Variants in CADPS observed in about 807,000 individuals in gnomAD.
CADPS encodes the protein calcium dependent secretion activator.
CADPS carries 57 observed loss-of-function variants against 167.3 expected under a neutral mutation model. That is an observed-to-expected ratio of 0.34 (90% CI 0.28 to 0.42). The LOEUF (loss-of-function observed/expected upper bound fraction) is 0.42, where lower values mean the gene tolerates loss of function less well. CADPS is among the 20% of genes least tolerant of loss of function. The probability of loss-of-function intolerance (pLI) is 1.00; values close to 1 mark genes in which losing one functional copy is unlikely to be tolerated. For synonymous variants in CADPS, 676 were observed against 635.3 expected, an observed-to-expected ratio of 1.06 and a Z score of -0.96; for missense variants, 1,414 against 1,738.1, an observed-to-expected ratio of 0.81 and a Z score of 3.32.
In CADPS at chr3:62,650,970, G is replaced by T. The variant is rs760468345; in HGVS notation, c.1080C>A (p.Ser360=). ...TCTGGAGCTTGAACTCCCCGCCTTT[G>T]GATACCGGCATGCTCTCCAAGTTGG... ...LMANLESMPV[S]KGGEFKLQKL... Residue 360 remains serine (S), a synonymous_variant, in exon 5 of 30, where the codon TCC becomes TCA. Transcript: ENST00000383710. 8.1e-6 allele frequency: 13 copies of T among 1,614,038 alleles called. No individual in the cohort carries two copies. The highest frequency in any genetic ancestry group is 1.1e-5 in the Non-Finnish European group (13 of 1,179,948).
rs1473990742 is a variant in CADPS, at chr3:62,487,627, CTT to C, written c.3026+3710_3026+3711del. On this transcript the variant is annotated intron_variant, in intron 21 of 29. Transcript: ENST00000383710. Reference sequence around the variant, plus strand: ...TAACGGAAACAGAGATGTAGCTTCCCTTTTCTCTTTTCGAAGAGATGGAAGAC... The same window carrying C: ...TAACGGAAACAGAGATGTAGCTTCCCTTCTCTTTTCGAAGAGATGGAAGAC... Among the ~76,000 whole-genome samples the C allele has an allele frequency of 3.3e-5, 5 of 152,348 alleles. No homozygotes were observed. In the East Asian group the frequency reaches 9.7e-4, roughly 29 times the overall value.
At chr3:62,626,548 G>A (rs1474186599) in intron 6 of CADPS, 2 of 702,824 alleles carry the variant, frequency 2.8e-6, no homozygotes, top group South Asian at 3.0e-5. Flanking sequence ...TGAGGCAGTT[G>A]TTCTCTTCTG....
chr3:62,770,491 T>C (rs947795037), intron 1 of CADPS, among the ~76,000 whole-genome samples: 2 of 152,188 alleles, frequency 1.3e-5, no homozygotes, highest in East Asian at 1.9e-4. Context: ...AGTGGTGCCA[T>C]GTCAGCCCAC....
At chr3:62,623,384 A>C (rs200370753) in intron 6 of CADPS, among the ~76,000 whole-genome samples, 1 of 152,146 alleles carries the variant, frequency 6.6e-6, no homozygotes, top group East Asian at 1.9e-4. Flanking sequence ...GCTCCACTGG[A>C]TTATTCTTTA....
At chr3:62,483,494 C>T (rs1041287112) in intron 21 of CADPS, among the ~76,000 whole-genome samples, 1 of 152,122 alleles carries the variant, frequency 6.6e-6, no homozygotes, top group Non-Finnish European at 1.5e-5. Flanking sequence ...ATAGCCCCAG[C>T]TCATAGACTG....
chr3:62,478,226 G>T lies in CADPS; in HGVS notation c.3329+35C>A, dbSNP rs758789777. On this transcript the variant is annotated intron_variant, in intron 23 of 29. Coordinates refer to ENST00000383710, the MANE Select transcript of CADPS (RefSeq NM_003716.4). The surrounding 1 kb of genome is among the most constrained non-coding windows in gnomAD (Gnocchi z 5.7). ...TCCCTGAGTCTGTGTATGGTGGGGAGGGTGTGCAGAACCTGTCCAGCCACC... is the reference window on the plus strand; with the variant it reads ...TCCCTGAGTCTGTGTATGGTGGGGATGGTGTGCAGAACCTGTCCAGCCACC... The T allele has an allele frequency of 8.7e-6, 14 of 1,609,854 alleles. No individual in the cohort carries two copies. The highest frequency in any genetic ancestry group is 6.6e-5 in the South Asian group (6 of 90,872).
At chr3:62,816,058 G>A (rs993852165) in intron 1 of CADPS, among the ~76,000 whole-genome samples, 1 of 152,080 alleles carries the variant, frequency 6.6e-6, no homozygotes, top group African/African-American at 2.4e-5. Context: ...GGCTGTGGGG[G>A]ATGCATATAT....
At chr3:62,480,779 A>G (rs746645327) in intron 22 of CADPS, among the ~76,000 whole-genome samples, 1 of 152,246 alleles carries the variant, frequency 6.6e-6, no homozygotes, top group Non-Finnish European at 1.5e-5. Flanking sequence ...GAAAAGGATC[A>G]AAGAAGGGTA....
At chr3:62,664,158 C>T (rs1040646159) in intron 3 of CADPS, among the ~76,000 whole-genome samples, 1 of 152,122 alleles carries the variant, frequency 6.6e-6, no homozygotes, top group Non-Finnish European at 1.5e-5. Flanking sequence ...AGGCGCATGC[C>T]ATTGTGCCCA....
intron 3 of CADPS, among the ~76,000 whole-genome samples, chr3:62,746,166 G>A (rs1036051416): frequency 6.6e-6 from 1 of 152,134 alleles, no homozygotes; most frequent in African/African-American, 2.4e-5. Flanking sequence ...CCTTGAGTGT[G>A]GGAGGAACCT....
At chr3:62,660,105 T>C (rs988269067) in intron 4 of CADPS, among the ~76,000 whole-genome samples, 2 of 152,156 alleles carry the variant, frequency 1.3e-5, no homozygotes, top group Non-Finnish European at 2.9e-5. Context: ...GAGATGAGCA[T>C]CTTGGCTCAT....
Position 62,602,211 on chromosome 3 carries a change from C to T in CADPS, c.1326-9463G>A, listed in dbSNP as rs1007757299. 7.4e-6 allele frequency among the ~76,000 whole-genome samples: 1 copy of T among 135,392 alleles called. No individual in the cohort carries two copies. Among genetic ancestry groups the T allele is most frequent in the African/African-American group, 2.9e-5 (1 of 35,022 alleles). The allele number at this position is 135,392 out of a possible 152,430, so 88.8% of individuals were successfully genotyped here. On this transcript the variant is annotated intron_variant, in intron 6 of 29. Coordinates refer to ENST00000383710, the MANE Select transcript of CADPS (RefSeq NM_003716.4). The surrounding 1 kb of genome is among the most constrained non-coding windows in gnomAD (Gnocchi z 4.4). ...TGTGAGTAAGCCAAGAACACATCTA[C>T]GTTAGGCAAATAAGGACCCTTGGAG...
At chr3:62,562,933 G>T (rs1479799125) in intron 9 of CADPS, among the ~76,000 whole-genome samples, 1 of 152,188 alleles carries the variant, frequency 6.6e-6, no homozygotes, top group African/African-American at 2.4e-5. Context: ...GTTTTCTCTG[G>T]GGCTGGTAAA....
intron 1 of CADPS, among the ~76,000 whole-genome samples, chr3:62,846,734 G>A (rs1452228049): frequency 5.3e-5 from 8 of 152,096 alleles, no homozygotes; most frequent in Admixed American, 5.2e-4. Flanking sequence ...CACGATCTTG[G>A]TTCATTACAA....
chr3:62,763,542 CAT>C (rs1427970039), intron 2 of CADPS, among the ~76,000 whole-genome samples: 1 of 151,792 alleles, frequency 6.6e-6, no homozygotes, highest in East Asian at 1.9e-4. Flanking sequence ...ACTTATAATC[CAT>C]AGAGTCCTGA....
intron 26 of CADPS, among the ~76,000 whole-genome samples, chr3:62,462,029 T>C (rs77590976): frequency 0.014 from 2,089 of 152,320 alleles, 49 homozygotes; most frequent in African/African-American, 0.047. Flanking sequence ...GCATTGTCAC[T>C]TTCTGTGGGA....
chr3:62,550,566 T>C (rs183136015), intron 10 of CADPS, among the ~76,000 whole-genome samples: 28 of 152,296 alleles, frequency 1.8e-4, no homozygotes, highest in Non-Finnish European at 3.4e-4. Flanking sequence ...GGGCATGTTG[T>C]TAAAATGCAG....
intron 26 of CADPS, among the ~76,000 whole-genome samples, chr3:62,456,347 A>AT (rs1370540368): frequency 2.6e-5 from 4 of 152,186 alleles, no homozygotes; most frequent in Non-Finnish European, 5.9e-5. Flanking sequence ...TGAAAAAGCA[A>AT]TATCACTCTC....
At chr3:62,622,782 G>C (rs1030038984) in intron 6 of CADPS, among the ~76,000 whole-genome samples, 10 of 152,090 alleles carry the variant, frequency 6.6e-5, no homozygotes, top group African/African-American at 2.4e-4. Context: ...GCAATCCCAG[G>C]CTGTAAATGT....
Sources: gnomAD v4.1 joint callset for allele counts (sites outside exome capture counted in the v4.1 genomes callset) on GRCh38, gnomAD v4.1.1 for gene constraint, Gnocchi (gnomAD v3.1) non-coding constraint, MANE v1.5 for transcripts, NCBI Gene and HGNC (gene_info 2026-07-23, HGNC 2026-07-21) for gene names.